MARCHF3: variants seen among roughly 807,000 people sequenced by gnomAD.
The protein encoded by MARCHF3 is E3 ubiquitin-protein ligase MARCHF3.
Under a neutral mutation model 24.2 loss-of-function variants are expected in MARCHF3, and 13 were observed. The ratio of observed to expected loss-of-function variants is 0.54; its 90% confidence interval spans 0.35 to 0.85. MARCHF3 has a LOEUF of 0.85. Ranked by LOEUF, MARCHF3 falls within the 40% of genes least tolerant of loss-of-function variation. MARCHF3 has a pLI of 0.01. For synonymous variants in MARCHF3, 144 were observed against 137.3 expected (o/e 1.05, Z -0.34); for missense variants, 276 against 325.0 (o/e 0.85, Z 1.16).
chr5:126,886,814 T>A (rs954739515), intron 3 of MARCHF3, among the ~76,000 whole-genome samples: 2 of 152,168 alleles, frequency 1.3e-5, no homozygotes, highest in Non-Finnish European at 2.9e-5. Context: ...CATACCAGCA[T>A]GTGGGAACAC....
intron 1 of MARCHF3, among the ~76,000 whole-genome samples, chr5:126,943,211 T>C (rs1051540588): frequency 1.3e-5 from 2 of 152,146 alleles, no homozygotes; most frequent in Non-Finnish European, 1.5e-5. Flanking sequence ...GAAGAATCAC[T>C]TGAACCCAGG....
intron 1 of MARCHF3, among the ~76,000 whole-genome samples, chr5:126,952,847 C>T (rs1010498466): frequency 8.5e-5 from 13 of 152,112 alleles, no homozygotes; most frequent in South Asian, 8.3e-4. Flanking sequence ...AGGTTTATAA[C>T]GCGAATTGCC....
intron 1 of MARCHF3, among the ~76,000 whole-genome samples, chr5:126,923,167 A>C (rs1749180976): frequency 2.0e-5 from 3 of 152,244 alleles, no homozygotes; most frequent in African/African-American, 7.2e-5. Flanking sequence ...AAGTTGAAAA[A>C]AGAAAAACAA....
At chr5:126,991,836 T>C (rs1288213212) in intron 1 of MARCHF3, among the ~76,000 whole-genome samples, 1 of 152,216 alleles carries the variant, frequency 6.6e-6, no homozygotes, top group Non-Finnish European at 1.5e-5. Context: ...CTCGACCTGA[T>C]AAAACATCTC....
rs967226140 is a variant in MARCHF3, at chr5:126,869,763, CA to C, written c.*869del. 1.3e-5 allele frequency: 2 copies of C among 152,356 alleles called. No homozygotes were observed. The highest frequency in any genetic ancestry group is 2.9e-5 in the Non-Finnish European group (2 of 68,002). The allele number at this position is 152,356 out of a possible 1,614,324, so 9.4% of individuals were successfully genotyped here. On this transcript the variant is annotated 3_prime_UTR_variant, in exon 5 of 5. Transcript: ENST00000308660. ...CTAAATGAGATGGGAGTGAGAACAG[CA>C]ACCTTTTTGCTTTTCCTTTTTTTCC...
chr5:127,009,553 CTGTAT>C (rs1752416583), intron 1 of MARCHF3, among the ~76,000 whole-genome samples: 1 of 151,998 alleles, frequency 6.6e-6, no homozygotes. Flanking sequence ...TTATAAGCAC[CTGTAT>C]TGTATTTCTT....
chr5:126,955,384 C>T (rs998543722), intron 1 of MARCHF3, among the ~76,000 whole-genome samples: 9 of 152,166 alleles, frequency 5.9e-5, no homozygotes, highest in Non-Finnish European at 1.3e-4. Flanking sequence ...GGTTATGGAC[C>T]ACATTTCAAA....
At chr5:126,914,733 CTCTGTG>C in intron 3 of MARCHF3, 191 bp downstream of exon 3, 1 of 610,750 alleles carries the variant, frequency 1.6e-6, no homozygotes, top group Non-Finnish European at 2.9e-6. Context: ...GCTCTCCCTT[CTCTGTG>C]TCTGTCTGTC....
intron 1 of MARCHF3, among the ~76,000 whole-genome samples, chr5:127,026,047 T>C (rs947172876): frequency 6.6e-6 from 1 of 151,616 alleles, no homozygotes; most frequent in Admixed American, 6.6e-5. Context: ...CATAAAAAAC[T>C]TGAAAAGAAC....
intron 3 of MARCHF3, among the ~76,000 whole-genome samples, chr5:126,906,807 C>G (rs1313734700): frequency 2.6e-5 from 4 of 152,010 alleles, no homozygotes; most frequent in African/African-American, 7.3e-5. Flanking sequence ...TTTTTTGTGT[C>G]TCTATTTCCT....
At chr5:126,948,305 A>G (rs1440844412) in intron 1 of MARCHF3, among the ~76,000 whole-genome samples, 1 of 152,174 alleles carries the variant, frequency 6.6e-6, no homozygotes, top group Non-Finnish European at 1.5e-5. Flanking sequence ...CTCCTTGTAT[A>G]GGTTTTGCAT....
chr5:127,021,932 C>T (rs73783506), intron 1 of MARCHF3, among the ~76,000 whole-genome samples: 9,546 of 152,260 alleles, frequency 0.063, 585 homozygotes, highest in African/African-American at 0.15. Flanking sequence ...AAAAGACACA[C>T]CAGTCCACAT....
chr5:126,930,756 A>G (rs1749455567), intron 1 of MARCHF3, among the ~76,000 whole-genome samples: 1 of 152,228 alleles, frequency 6.6e-6, no homozygotes, highest in Admixed American at 6.5e-5. Context: ...TAGGCAGTTC[A>G]TAGGTATTCC....
At chr5:126,928,493 A>T (rs113551172) in intron 1 of MARCHF3, among the ~76,000 whole-genome samples, 2,754 of 152,292 alleles carry the variant, frequency 0.018, 45 homozygotes, top group Non-Finnish European at 0.027. Context: ...AATTTTTTTT[A>T]AAATGTTCAA....
intron 1 of MARCHF3, among the ~76,000 whole-genome samples, chr5:126,930,220 T>A (rs1173630921): frequency 6.6e-6 from 1 of 152,244 alleles, no homozygotes; most frequent in East Asian, 1.9e-4. Flanking sequence ...TTTGCAGTGC[T>A]CTTGGAAGGA....
chr5:126,965,090 GATGACTCCTCTCTTAAGGCTTCC>G (rs1212243307), intron 1 of MARCHF3, among the ~76,000 whole-genome samples: 5 of 149,784 alleles, frequency 3.3e-5, no homozygotes, highest in African/African-American at 1.2e-4. Flanking sequence ...TGTTTCTAAT[GATGACTCCTCTCTTAAGGCTTCC>G]ATTTCTTGAG....
intron 1 of MARCHF3, among the ~76,000 whole-genome samples, chr5:126,992,368 G>A (rs1025268140): frequency 6.6e-6 from 1 of 152,174 alleles, no homozygotes; most frequent in African/African-American, 2.4e-5. Flanking sequence ...GAGGAGACAG[G>A]CTCAGGGCAA....
At chr5:126,882,531 T>A (rs187889770) in intron 3 of MARCHF3, among the ~76,000 whole-genome samples, 8 of 152,362 alleles carry the variant, frequency 5.3e-5, no homozygotes, top group Non-Finnish European at 8.8e-5. Flanking sequence ...TTGGCTCTTA[T>A]GTCTTCTACC....
At chr5:127,013,108 C>T (rs1284436203) in intron 1 of MARCHF3, among the ~76,000 whole-genome samples, 3 of 152,192 alleles carry the variant, frequency 2.0e-5, no homozygotes, top group Admixed American at 6.5e-5. Context: ...CCTTTCAAAT[C>T]ACAGTGTTCA....
Sources: allele counts gnomAD v4.1 joint callset (sites outside exome capture counted in the v4.1 genomes callset), GRCh38; gene constraint gnomAD v4.1.1; transcripts MANE v1.5; gene names NCBI Gene and HGNC (gene_info 2026-07-23, HGNC 2026-07-21).